Variants in TULP4 observed in about 807,000 individuals in gnomAD.
TULP4 encodes tubby-related protein 4.
In TULP4, 16 loss-of-function variants were observed where a neutral mutation model predicts 129.0. That is an observed-to-expected ratio of 0.12 (90% confidence interval 0.08 to 0.19). The LOEUF (loss-of-function observed/expected upper bound fraction) is 0.19, where lower values mean the gene tolerates loss of function less well. Ranked by LOEUF, TULP4 falls within the 10% of genes least tolerant of loss-of-function variation. The probability of loss-of-function intolerance (pLI) is 1.00; values close to 1 mark genes in which losing one functional copy is unlikely to be tolerated. For missense variants in TULP4, 1,842 were observed against 2,059.1 expected (o/e 0.89, Z 2.04); for synonymous variants, 998 against 854.0 (o/e 1.17, Z -2.94).
At chr6:158,390,608 A>G (rs1777563361) in intron 1 of TULP4, among the ~76,000 whole-genome samples, 1 of 152,222 alleles carries the variant, frequency 6.6e-6, no homozygotes, top group Non-Finnish European at 1.5e-5. Context: ...CTCAACAGAT[A>G]GGACAAGCAA....
intron 6 of TULP4, among the ~76,000 whole-genome samples, chr6:158,473,287 T>A (rs1361439225): frequency 6.6e-6 from 1 of 152,230 alleles, no homozygotes; most frequent in Non-Finnish European, 1.5e-5. Context: ...CTGTTGTGCT[T>A]TTCCCATTTT....
Position 158,415,295 on chromosome 6 carries a change from G to A in TULP4, c.381+2102G>A, listed in dbSNP as rs114223332. On this transcript the variant is annotated intron_variant, in intron 2 of 13. Transcript: ENST00000367097. ...TCCATAATGCTTGATAATAACAAAT[G>A]ACTATGTTACTGGTATTTACTGTAC... Among the ~76,000 whole-genome samples the A allele has an allele frequency of 1.7e-3, 263 of 151,334 alleles. 2 individuals carry two copies. Among genetic ancestry groups the A allele is most frequent in the African/African-American group, 5.9e-3 (244 of 41,282 alleles).
At chr6:158,388,709 ATTGT>A (rs1777515521) in intron 1 of TULP4, among the ~76,000 whole-genome samples, 1 of 151,808 alleles carries the variant, frequency 6.6e-6, no homozygotes, top group South Asian at 2.1e-4. Flanking sequence ...TAGTTATATT[ATTGT>A]TTAACAAATC....
At chr6:158,308,302 G>T (rs1289433710), upstream of TULP4, among the ~76,000 whole-genome samples, 2 of 151,338 alleles carry the variant, frequency 1.3e-5, no homozygotes, top group Non-Finnish European at 2.9e-5. Flanking sequence ...ATGTTTCAGA[G>T]AGCACAGGGT....
intron 1 of TULP4, among the ~76,000 whole-genome samples, chr6:158,260,575 CAAA>C (rs71729689): frequency 8.6e-6 from 1 of 116,586 alleles, no homozygotes; most frequent in Non-Finnish European, 1.7e-5. Flanking sequence ...GACTCTGTCT[CAAA>C]AAAAAAAAAA....
rs140071414 is a variant in TULP4 at position 158,408,553 on chromosome 6, C to G, written c.253-4512C>G. Among the ~76,000 whole-genome samples, 791 of 152,206 alleles carry G rather than the reference C, an allele frequency of 5.2e-3. 6 individuals are homozygous for G. The highest frequency in any genetic ancestry group is 0.018 in the African/African-American group (750 of 41,506). The stretch of plus-strand genomic sequence containing the variant: ...CTTTCTTAAGATACTCCTCACAACT[C>G]CGTGAGGGGTGTGCTACCATGGCTT... On this transcript the variant is annotated intron_variant, in intron 1 of 13. Transcript: ENST00000367097.
intron 1 of TULP4, among the ~76,000 whole-genome samples, chr6:158,352,024 A>G (rs1780537135): frequency 6.6e-6 from 1 of 151,946 alleles, no homozygotes; most frequent in Admixed American, 6.6e-5. Context: ...ACCCAGCCCC[A>G]TTATTTGTTT....
Position 158,479,864 on chromosome 6 carries a change from GT to G in TULP4, c.1141del (p.Cys381AlafsTer18). The G allele has an allele frequency of 6.2e-7, 1 of 1,613,850 alleles. No individual in the cohort carries two copies. The highest frequency in any genetic ancestry group is 8.5e-7 in the Non-Finnish European group (1 of 1,180,036). ...EHRVSSLQLL[C>X]QQAIASTLRE... ...ACCGGGTGTCCAGCCTGCAGCTGCT[GT>G]GCCAGCAGGCCATCGCCAGCACCTT... On this transcript the variant is annotated frameshift_variant, in exon 7 of 14. Transcript: ENST00000367097. LOFTEE classifies it high-confidence loss of function.
At chr6:158,268,506 C>T (rs961016975) in intron 1 of TULP4, among the ~76,000 whole-genome samples, 3 of 152,118 alleles carry the variant, frequency 2.0e-5, no homozygotes, top group Admixed American at 6.5e-5. Context: ...ATGTGTTGCT[C>T]ACAATCCTGG....
chr6:158,340,240 C>A (rs369838569), intron 1 of TULP4, among the ~76,000 whole-genome samples: 1 of 152,120 alleles, frequency 6.6e-6, no homozygotes. Context: ...TGTTTTATAA[C>A]TAATTAGCCA....
intron 1 of TULP4, among the ~76,000 whole-genome samples, chr6:158,272,673 A>T (rs1439743243): frequency 6.6e-6 from 1 of 152,222 alleles, no homozygotes; most frequent in East Asian, 1.9e-4. Context: ...GCATAGCTCT[A>T]ATGCAGGAAG....
Position 158,502,497 on chromosome 6 carries a change from G to T in TULP4, c.2834G>T (p.Arg945Leu). The T allele has an allele frequency of 1.2e-6, 2 of 1,612,908 alleles. No homozygotes were observed. The highest frequency in any genetic ancestry group is 1.7e-6 in the Non-Finnish European group (2 of 1,179,894). The part of the protein sequence containing the change: ...PQPCSSATLN[R>L]LTVPRYSIPT... Reference sequence around the variant, plus strand: ...CCCTGCAGCAGTGCCACCCTGAACCGCCTGACCGTCCCTCGCTACTCCATC... The same window carrying T: ...CCCTGCAGCAGTGCCACCCTGAACCTCCTGACCGTCCCTCGCTACTCCATC... Residue 945 changes from arginine to leucine, a missense_variant, in exon 13 of 14, where the codon CGC (arginine) becomes CTC (leucine). Transcript: ENST00000367097.
At chr6:158,426,992 A>G (rs1163655173) in intron 2 of TULP4, among the ~76,000 whole-genome samples, 1 of 152,136 alleles carries the variant, frequency 6.6e-6, no homozygotes, top group Non-Finnish European at 1.5e-5. Context: ...GTTGTGAATG[A>G]GAGTTTGTTC....
intron 1 of TULP4, among the ~76,000 whole-genome samples, chr6:158,364,091 T>C (rs1780864558): frequency 6.6e-6 from 1 of 152,214 alleles, no homozygotes; most frequent in Non-Finnish European, 1.5e-5. Context: ...GTCAATAAAA[T>C]GACTTCTCTT....
chr6:158,475,902 G>C (rs944869005), intron 6 of TULP4, among the ~76,000 whole-genome samples: 1 of 152,204 alleles, frequency 6.6e-6, no homozygotes, highest in African/African-American at 2.4e-5. Context: ...ATTAACACCA[G>C]CAGAAATGTG....
intron 1 of TULP4, among the ~76,000 whole-genome samples, chr6:158,386,811 C>T (rs1287704573): frequency 1.3e-5 from 2 of 152,090 alleles, no homozygotes; most frequent in African/African-American, 4.8e-5. Flanking sequence ...ACAATAATAG[C>T]TTCTATCTCA....
rs148550978 is a variant in TULP4, at chr6:158,456,940, G to A, written c.860-4623G>A. Among the ~76,000 whole-genome samples the A allele has an allele frequency of 6.8e-4, 104 of 152,226 alleles. 1 individual carries two copies. Among genetic ancestry groups the A allele is most frequent in the Non-Finnish European group, 1.1e-3 (76 of 68,018 alleles). On this transcript the variant is annotated intron_variant, in intron 5 of 13. Transcript: ENST00000367097. ...AGGCAATTTACCTTTTCTCTCTTGG[G>A]ATCAGAATGTTTTAAGGACTTAGCC... is the stretch of plus-strand genomic sequence containing the variant.
At chr6:158,422,051 G>A (rs935122109) in intron 2 of TULP4, among the ~76,000 whole-genome samples, 5 of 151,918 alleles carry the variant, frequency 3.3e-5, no homozygotes, top group Admixed American at 6.6e-5. Context: ...TGGTCAGATA[G>A]GTATTTATCT....
chr6:158,431,032 T>A (rs571213397), intron 3 of TULP4, among the ~76,000 whole-genome samples: 29 of 152,344 alleles, frequency 1.9e-4, no homozygotes, highest in African/African-American at 7.0e-4. Context: ...ATTGGTATTA[T>A]GAGATTTATG....
Sources: allele counts gnomAD v4.1 joint callset (sites outside exome capture counted in the v4.1 genomes callset), GRCh38; gene constraint gnomAD v4.1.1; transcripts MANE v1.5; gene names NCBI Gene and HGNC (gene_info 2026-07-23, HGNC 2026-07-21).